The following ZNF236 variants were observed in gnomAD, a reference collection of about 807,000 sequenced individuals.
ZNF236 encodes regulated by glucose.
ZNF236 carries 50 observed loss-of-function variants against 191.2 expected under a neutral mutation model. The ratio of observed to expected loss-of-function variants is 0.26; its 90% CI spans 0.21 to 0.33. The LOEUF is 0.33. Among genes scored for constraint, ZNF236 ranks in the 10% least tolerant of loss-of-function variants. The pLI, the probability that ZNF236 is intolerant of heterozygous loss-of-function variation, is 1.00. For synonymous variants in ZNF236, 907 were observed against 928.8 expected (o/e 0.98, Z 0.43); for missense variants, 1,754 against 2,374.5 (o/e 0.74, Z 5.43).
chr18:76,917,788 C>T (rs1209052800), intron 19 of ZNF236, among the ~76,000 whole-genome samples: 2 of 152,092 alleles, frequency 1.3e-5, no homozygotes, highest in Non-Finnish European at 2.9e-5. Context: ...GTTGGTGGGG[C>T]CGCTATCTAT....
Position 76,881,373 on chromosome 18 carries a change from T to C in ZNF236, c.1278T>C (p.Ala426=). The C allele has an allele frequency of 6.2e-7, 1 of 1,613,734 alleles. No homozygotes were observed. The highest frequency in any genetic ancestry group is 8.5e-7 in the Non-Finnish European group (1 of 1,179,990). The change falls in exon 9 of 31, where the codon GCT becomes GCC. Residue 426 remains alanine, a synonymous_variant. Transcript: ENST00000320610. ...ATGCCAAGACCTCTGCACCACACGC[T>C]CAAAACCCAGATGTTTCCAGCGTTT... ...SCHAKTSAPH[A]QNPDVSSVSN...
intron 3 of ZNF236, among the ~76,000 whole-genome samples, chr18:76,853,242 C>A (rs1216805884): frequency 2.0e-5 from 3 of 151,990 alleles, no homozygotes; most frequent in Non-Finnish European, 4.4e-5. Context: ...CCATGCCTGG[C>A]TAATTTTTGT....
intron 1 of ZNF236, among the ~76,000 whole-genome samples, chr18:76,828,824 GC>G (rs1975083588): frequency 6.6e-6 from 1 of 152,030 alleles, no homozygotes; most frequent in South Asian, 2.1e-4. Flanking sequence ...ATGCCACCAT[GC>G]CCAGCTAATT....
intron 4 of ZNF236, among the ~76,000 whole-genome samples, chr18:76,870,574 G>C (rs2156341): frequency 6.6e-6 from 1 of 152,142 alleles, no homozygotes; most frequent in Non-Finnish European, 1.5e-5. Flanking sequence ...TGGGTTAGTC[G>C]GTACCACAGT....
chr18:76,885,165 TA>T (rs1266317067), intron 9 of ZNF236: 1 of 152,628 alleles, frequency 6.6e-6, no homozygotes, highest in Non-Finnish European at 1.5e-5. Context: ...ACAAAAGTCC[TA>T]AATCATTCCT....
At chr18:76,837,124 C>G (rs1402317379) in intron 1 of ZNF236, among the ~76,000 whole-genome samples, 2 of 72,076 alleles carry the variant, frequency 2.8e-5, no homozygotes, top group Non-Finnish European at 5.5e-5. Flanking sequence ...GATCCGCACC[C>G]CCTCCCCCCC....
rs760674465 is a variant in ZNF236, at chr18:76,878,153, G to A, written c.984+1G>A. 6.3e-7 allele frequency: 1 copy of A among 1,599,024 alleles called. No homozygotes were observed. Among genetic ancestry groups the A allele is most frequent in the Non-Finnish European group, 8.5e-7 (1 of 1,172,094 alleles). ...TACAGAGACTGCTCATGTTTTAACG[G>A]TAAGTTTAGTAATTTGGAAGAACTT... On this transcript the variant is annotated splice_donor_variant, in intron 7 of 30. Coordinates refer to ENST00000320610, the MANE Select transcript of ZNF236 (RefSeq NM_001306089.2). LOFTEE classifies it high-confidence loss of function.
In ZNF236 at chr18:76,922,852, T is replaced by G. The variant is rs536204975; in HGVS notation, c.3558-219T>G. On this transcript the variant is annotated intron_variant, in intron 20 of 30. Transcript: ENST00000320610. Reference sequence around the variant, plus strand: ...GATTACAGGCGTGAGCCACCGCTCCTGGCCCTAAGGAAATTATCTCTATTA... The same window carrying G: ...GATTACAGGCGTGAGCCACCGCTCCGGGCCCTAAGGAAATTATCTCTATTA... Among the ~76,000 whole-genome samples, 139 of 152,328 alleles carry G rather than the reference T, an allele frequency of 9.1e-4. 4 individuals are homozygous for G. In the South Asian group the frequency reaches 0.028, roughly 31 times the overall value.
intron 9 of ZNF236, among the ~76,000 whole-genome samples, 183 bp from the exon 10 acceptor site, chr18:76,894,830 C>A (rs541188167): frequency 1.3e-5 from 2 of 152,276 alleles, no homozygotes; most frequent in African/African-American, 4.8e-5. Context: ...TGTGTTTTCC[C>A]CGACTGTTAG....
In ZNF236 at chr18:76,968,364, G is replaced by A; in HGVS notation, c.*25G>A. 1 of 1,593,318 alleles carries A rather than the reference G, an allele frequency of 6.3e-7. No homozygotes were observed. Among genetic ancestry groups the A allele is most frequent in the Non-Finnish European group, 8.5e-7 (1 of 1,174,778 alleles). ...ATGCGAGTTGGAAGTACACCTTTAA[G>A]AATGTTTCTGAAGTTACGTTTTGTG... is the stretch of plus-strand genomic sequence containing the variant. On this transcript the variant is annotated 3_prime_UTR_variant, in exon 31 of 31. Coordinates refer to ENST00000320610, the MANE Select transcript of ZNF236 (RefSeq NM_001306089.2).
intron 18 of ZNF236, among the ~76,000 whole-genome samples, chr18:76,914,533 TC>T (rs1351013794): frequency 6.6e-6 from 1 of 152,156 alleles, no homozygotes; most frequent in Admixed American, 6.5e-5. Flanking sequence ...GGCTCTGGTT[TC>T]CCCACATCCT....
chr18:76,890,335 C>G (rs1294309415), intron 9 of ZNF236, among the ~76,000 whole-genome samples: 2 of 152,110 alleles, frequency 1.3e-5, no homozygotes, highest in South Asian at 2.1e-4. Context: ...TGTACATAAT[C>G]ATAGTAAAGT....
At chr18:76,953,085 C>T (rs975670354) in intron 27 of ZNF236, among the ~76,000 whole-genome samples, 2 of 152,186 alleles carry the variant, frequency 1.3e-5, no homozygotes, top group Non-Finnish European at 2.9e-5. Flanking sequence ...CCATACTGAT[C>T]TGACAAGATG....
chr18:76,870,292 C>G (rs748917967), intron 4 of ZNF236, among the ~76,000 whole-genome samples: 5 of 152,074 alleles, frequency 3.3e-5, no homozygotes, highest in African/African-American at 1.2e-4. Flanking sequence ...TTTTCCCCAA[C>G]CAATTTGATG....
At position 76,925,642 on chromosome 18, in the gene ZNF236, TGTTTACCGTAGCACCAC is replaced by T; in HGVS notation, c.4027+93_4027+109del. 1 of 1,493,986 alleles carries T rather than the reference TGTTTACCGTAGCACCAC, an allele frequency of 6.7e-7. No individual in the cohort carries two copies. The highest frequency in any genetic ancestry group is 1.3e-5 in the South Asian group (1 of 75,654). 92.5% of individuals were successfully genotyped at this position (1,493,986 alleles called of 1,614,324 possible). A position where few individuals can be genotyped will look rare whatever the true frequency, so the allele number is the denominator to read the frequency against. ...TCTGTTCCCACGACAGAAGAGATGT[TGTTTACCGTAGCACCAC>T]GTTTCCCTTCTTTGAGCCTTTTCCT... On this transcript the variant is annotated intron_variant, in intron 22 of 30. Coordinates refer to ENST00000320610, the MANE Select transcript of ZNF236 (RefSeq NM_001306089.2). The surrounding 1 kb of genome is among the most constrained non-coding windows in gnomAD (Gnocchi z 5.7).
At chr18:76,945,459 T>G (rs1055545836) in intron 26 of ZNF236, among the ~76,000 whole-genome samples, 3 of 152,232 alleles carry the variant, frequency 2.0e-5, no homozygotes, top group African/African-American at 7.2e-5. Context: ...AACTTCTCTA[T>G]GTAGGGAGGT....
At chr18:76,921,332 A>T (rs1175610090) in intron 20 of ZNF236, among the ~76,000 whole-genome samples, 1 of 152,226 alleles carries the variant, frequency 6.6e-6, no homozygotes, top group Non-Finnish European at 1.5e-5. Context: ...TGAGCCATGC[A>T]GTGAAGTTCC....
intron 20 of ZNF236, among the ~76,000 whole-genome samples, chr18:76,920,985 A>T (rs561254599): frequency 2.0e-4 from 31 of 152,356 alleles, no homozygotes; most frequent in African/African-American, 7.2e-4. Context: ...TAGGAGATAG[A>T]ACTAATTATT....
rs187964989 is a variant in ZNF236 at position 76,880,746 on chromosome 18, G to C, written c.1188+430G>C. On this transcript the variant is annotated intron_variant, in intron 8 of 30. Transcript: ENST00000320610. The surrounding 1 kb of genome is among the most constrained non-coding windows in gnomAD (Gnocchi z 5.0). ...GTGGGTGTGTGGGCAGCACCTGCAC[G>C]TGTGGGAGAGGAGGGGGGCAGGAGC... Among the ~76,000 whole-genome samples, 141 of 152,264 alleles carry C rather than the reference G, an allele frequency of 9.3e-4. No individual in the cohort carries two copies. The highest frequency in any genetic ancestry group is 1.0e-4 in the Non-Finnish European group (7 of 68,016).
Sources: gnomAD v4.1 joint callset for allele counts (sites outside exome capture counted in the v4.1 genomes callset) on GRCh38, gnomAD v4.1.1 for gene constraint, Gnocchi (gnomAD v3.1) non-coding constraint, MANE v1.5 for transcripts, NCBI Gene and HGNC (gene_info 2026-07-23, HGNC 2026-07-21) for gene names.